Variants in TAFA5 observed in about 807,000 individuals in gnomAD.
TAFA5 encodes the protein TAFA chemokine like family member 5, also known as chemokine-like protein TAFA-5.
Under a neutral mutation model 15.3 loss-of-function variants are expected in TAFA5, and 6 were observed. The observed-to-expected ratio is 0.39, with a 90% CI of 0.21 to 0.77. TAFA5 has a LOEUF of 0.77. Among genes scored for constraint, TAFA5 ranks in the 30% least tolerant of loss-of-function variants. The probability of loss-of-function intolerance (pLI) is 0.41; values close to 1 mark genes in which losing one functional copy is unlikely to be tolerated. For missense variants in TAFA5, 161 were observed against 193.1 expected, an observed-to-expected ratio of 0.83 and a Z score of 0.98; for synonymous variants, 103 against 80.7, an observed-to-expected ratio of 1.28 and a Z score of -1.48.
intron 1 of TAFA5, among the ~76,000 whole-genome samples, chr22:48,609,700 C>T (rs1319511392): frequency 6.6e-6 from 1 of 152,238 alleles, no homozygotes; most frequent in African/African-American, 2.4e-5. Flanking sequence ...CAGGCAGCCT[C>T]TACACGACTG....
At chr22:48,659,687 G>A (rs553521336) in intron 2 of TAFA5, among the ~76,000 whole-genome samples, 1 of 152,286 alleles carries the variant, frequency 6.6e-6, no homozygotes, top group South Asian at 2.1e-4. Flanking sequence ...TCTCTGAGCT[G>A]TGCTGGGGGT....
intron 1 of TAFA5, among the ~76,000 whole-genome samples, chr22:48,497,443 CA>C (rs1333369670): frequency 1.3e-5 from 2 of 151,676 alleles, no homozygotes; most frequent in Non-Finnish European, 2.9e-5. Flanking sequence ...GCTTGAAAGA[CA>C]AGACTGGAGT....
intron 2 of TAFA5, among the ~76,000 whole-genome samples, chr22:48,697,336 A>G (rs1320286199): frequency 6.7e-6 from 1 of 149,232 alleles, no homozygotes; most frequent in Non-Finnish European, 1.5e-5. Flanking sequence ...TTATGGTGAC[A>G]GTGGTGATGA....
intron 1 of TAFA5, among the ~76,000 whole-genome samples, chr22:48,614,145 C>T (rs899640856): frequency 6.6e-6 from 1 of 152,188 alleles, no homozygotes. Context: ...CTGGTGGGCC[C>T]CTGTCTGGGG....
intron 1 of TAFA5, among the ~76,000 whole-genome samples, chr22:48,510,389 A>G (rs1426138774): frequency 6.6e-6 from 1 of 152,254 alleles, no homozygotes; most frequent in Admixed American, 6.5e-5. Context: ...GACAAAAGAT[A>G]TGAATAGATA....
intron 3 of TAFA5, among the ~76,000 whole-genome samples, chr22:48,729,422 C>T (rs13057755): frequency 0.17 from 23,943 of 143,434 alleles, 2,755 homozygotes; most frequent in Admixed American, 0.29. Flanking sequence ...ATTATAAATT[C>T]GTATAAAATA....
chr22:48,581,886 C>CA (rs1192643864), intron 1 of TAFA5, among the ~76,000 whole-genome samples: 2 of 152,256 alleles, frequency 1.3e-5, no homozygotes, highest in East Asian at 3.9e-4. Flanking sequence ...GAGGCATCCT[C>CA]ACCTTATTTA....
At chr22:48,542,869 GGTGTGTGTGATGTGTGTATTT>G (rs1922510942) in intron 1 of TAFA5, among the ~76,000 whole-genome samples, 1 of 149,136 alleles carries the variant, frequency 6.7e-6, no homozygotes, top group South Asian at 2.2e-4. Flanking sequence ...GAGTATGTAT[GGTGTGTGTGATGTGTGTATTT>G]GTGTGTGTGG....
intron 3 of TAFA5, among the ~76,000 whole-genome samples, chr22:48,735,565 A>T (rs1929985263): frequency 6.6e-6 from 1 of 152,220 alleles, no homozygotes. Flanking sequence ...GACTTAAAGG[A>T]TGCTAATAGG....
At chr22:48,622,462 C>T (rs900125669) in intron 1 of TAFA5, among the ~76,000 whole-genome samples, 8 of 152,176 alleles carry the variant, frequency 5.3e-5, no homozygotes, top group Admixed American at 1.3e-4. Flanking sequence ...CACTACAGCA[C>T]GGGGCGCTGG....
chr22:48,542,531 TGTGTG>T (rs1922468284), intron 1 of TAFA5, among the ~76,000 whole-genome samples: 1 of 105,614 alleles, frequency 9.5e-6, no homozygotes, highest in African/African-American at 4.2e-5. Flanking sequence ...GCATGTGTGG[TGTGTG>T]GTGTGTGTGT....
At chr22:48,582,610 A>G (rs1017268177) in intron 1 of TAFA5, among the ~76,000 whole-genome samples, 2 of 150,270 alleles carry the variant, frequency 1.3e-5, no homozygotes, top group Non-Finnish European at 3.0e-5. Context: ...ACCACACGCC[A>G]CACACAAAAT....
chr22:48,715,727 C>T (rs1295569518), intron 3 of TAFA5, among the ~76,000 whole-genome samples: 4 of 152,172 alleles, frequency 2.6e-5, no homozygotes, highest in African/African-American at 7.2e-5. Flanking sequence ...CCGACCCAGG[C>T]GCCTCAAGAG....
At chr22:48,581,523 C>A (rs954657722) in intron 1 of TAFA5, among the ~76,000 whole-genome samples, 6 of 152,188 alleles carry the variant, frequency 3.9e-5, no homozygotes, top group Non-Finnish European at 7.4e-5. Flanking sequence ...TTGCCCGTCT[C>A]TGGGCGCGCG....
chr22:48,523,339 G>A (rs1316704273), intron 1 of TAFA5, among the ~76,000 whole-genome samples: 1 of 152,244 alleles, frequency 6.6e-6, no homozygotes, highest in African/African-American at 2.4e-5. Flanking sequence ...GACCCTACGG[G>A]GTAGGATGAA....
At chr22:48,534,718 C>T (rs1922091743) in intron 1 of TAFA5, among the ~76,000 whole-genome samples, 1 of 152,176 alleles carries the variant, frequency 6.6e-6, no homozygotes, top group Non-Finnish European at 1.5e-5. Context: ...TGTCCTTTAC[C>T]CTGGAACGGG....
chr22:48,647,203 G>A (rs563016442), intron 2 of TAFA5, among the ~76,000 whole-genome samples: 41 of 152,260 alleles, frequency 2.7e-4, no homozygotes, highest in Non-Finnish European at 4.3e-4. Flanking sequence ...GCCTAGACTC[G>A]GGAGGCCGCA....
rs961631452 is a variant in TAFA5, at chr22:48,742,951, G to A, written c.391-6888G>A. On this transcript the variant is annotated intron_variant, in intron 3 of 3. Transcript: ENST00000402357. The surrounding 1 kb of genome is among the most constrained non-coding windows in gnomAD (Gnocchi z 6.2). Reference sequence around the variant, plus strand: ...TGTTGGGGCAATGCTGCCTGGCCCCGCCCTCAGCCCAGCCCTGGGACGCAG... The same window carrying A: ...TGTTGGGGCAATGCTGCCTGGCCCCACCCTCAGCCCAGCCCTGGGACGCAG... 7.2e-5 allele frequency among the ~76,000 whole-genome samples: 11 copies of A among 152,254 alleles called. No homozygotes were observed. In the South Asian group the frequency reaches 1.7e-3, roughly 23 times the overall value.
chr22:48,742,044 A>G lies in TAFA5; in HGVS notation c.391-7795A>G, dbSNP rs1024746419. ...ACACTGTTCCTATCCCGTGTTACAG[A>G]CGGGGAAACTGGGGCTCCCAGAGGC... On this transcript the variant is annotated intron_variant, in intron 3 of 3. Coordinates refer to ENST00000402357, the MANE Select transcript of TAFA5 (RefSeq NM_001082967.3). This position sits in a 1 kb window ranked among gnomAD's most constrained non-coding sequence, Gnocchi z 6.2. 6.6e-6 allele frequency among the ~76,000 whole-genome samples: 1 copy of G among 152,202 alleles called. No individual in the cohort carries two copies. Among genetic ancestry groups the G allele is most frequent in the African/African-American group, 2.4e-5 (1 of 41,458 alleles).
Sources: gnomAD v4.1 joint callset for allele counts (sites outside exome capture counted in the v4.1 genomes callset) on GRCh38, gnomAD v4.1.1 for gene constraint, Gnocchi (gnomAD v3.1) non-coding constraint, MANE v1.5 for transcripts, NCBI Gene and HGNC (gene_info 2026-07-23, HGNC 2026-07-21) for gene names.